The following PEX14 variants were observed in gnomAD, a reference collection of about 807,000 sequenced individuals.
The protein encoded by PEX14 is peroxisomal membrane protein PEX14.
A neutral mutation model predicts 49.5 loss-of-function variants in PEX14; 15 were observed. That is an observed-to-expected ratio of 0.30 (90% CI 0.20 to 0.47). The LOEUF is 0.47. Ranked by LOEUF, PEX14 falls within the 20% of genes least tolerant of loss-of-function variation. The probability of loss-of-function intolerance (pLI) is 1.00; values close to 1 mark genes in which losing one functional copy is unlikely to be tolerated. For missense variants in PEX14, 398 were observed against 494.8 expected (o/e 0.80, Z 1.86); for synonymous variants, 210 against 212.7 (o/e 0.99, Z 0.11).
intron 4 of PEX14, among the ~76,000 whole-genome samples, chr1:10,602,278 G>A (rs1171446163): frequency 6.6e-6 from 1 of 152,004 alleles, no homozygotes; most frequent in Non-Finnish European, 1.5e-5. Context: ...TAAAAACAAT[G>A]GTAATGATAA....
chr1:10,586,629 T>C lies in PEX14; in HGVS notation c.170-12609T>C, dbSNP rs986957744. 2.2e-4 allele frequency among the ~76,000 whole-genome samples: 8 copies of C among 36,730 alleles called. No individual in the cohort carries two copies. The East Asian group carries it at 6.8e-3, about 31-fold the overall frequency. The allele number at this position is 36,730 out of a possible 152,430, so 24.1% of individuals were successfully genotyped here. ...TGTTGAACAAAAGGAGCCGTTTACCTTTTTTTTTTTTTTTTTTTTTTTTTT... is the reference window on the plus strand; with the variant it reads ...TGTTGAACAAAAGGAGCCGTTTACCCTTTTTTTTTTTTTTTTTTTTTTTTT... On this transcript the variant is annotated intron_variant, in intron 3 of 8. Coordinates refer to ENST00000356607, the MANE Select transcript of PEX14 (RefSeq NM_004565.3).
chr1:10,543,541 C>A (rs767710922), intron 3 of PEX14, among the ~76,000 whole-genome samples: 1 of 152,024 alleles, frequency 6.6e-6, no homozygotes, highest in Non-Finnish European at 1.5e-5. Context: ...ATGTGCCAGT[C>A]GCTGGATTGG....
At chr1:10,510,809 G>A (rs1015691524) in intron 2 of PEX14, among the ~76,000 whole-genome samples, 1 of 152,146 alleles carries the variant, frequency 6.6e-6, no homozygotes, top group African/African-American at 2.4e-5. Flanking sequence ...AGGAACTTAG[G>A]GTGCAACATT....
chr1:10,590,338 G>T (rs189304890), intron 3 of PEX14, among the ~76,000 whole-genome samples: 66 of 152,316 alleles, frequency 4.3e-4, no homozygotes, highest in African/African-American at 1.5e-3. Context: ...TCTGCTACAC[G>T]TGGGTTTAAT....
At chr1:10,535,300 T>C (rs191982503) in intron 2 of PEX14, among the ~76,000 whole-genome samples, 1 of 152,356 alleles carries the variant, frequency 6.6e-6, no homozygotes, top group African/African-American at 2.4e-5. Flanking sequence ...TGAAGGTTAA[T>C]ACCTGCAGCG....
At chr1:10,581,148 T>C (rs1424918608) in intron 3 of PEX14, among the ~76,000 whole-genome samples, 9 of 152,084 alleles carry the variant, frequency 5.9e-5, no homozygotes, top group African/African-American at 1.7e-4. Flanking sequence ...GGAAATAGTA[T>C]GCTGTTGCCA....
In PEX14 at chr1:10,513,450, T is replaced by C. The variant is rs78317723; in HGVS notation, c.84+18129T>C. Among the ~76,000 whole-genome samples the C allele has an allele frequency of 8.3e-4, 126 of 152,320 alleles. 1 individual carries two copies. Among genetic ancestry groups the C allele is most frequent in the African/African-American group, 2.8e-3 (118 of 41,564 alleles). ...TCCAGCCGACAGCTTGAACAAGGATTCTAAAGTTTCTGGCCGTTTTAATTG... is the reference window on the plus strand; with the variant it reads ...TCCAGCCGACAGCTTGAACAAGGATCCTAAAGTTTCTGGCCGTTTTAATTG... On this transcript the variant is annotated intron_variant, in intron 2 of 8. Transcript: ENST00000356607.
At chr1:10,480,843 C>CTT (rs756547197) in intron 1 of PEX14, among the ~76,000 whole-genome samples, 1 of 81,188 alleles carries the variant, frequency 1.2e-5, no homozygotes, top group Non-Finnish European at 2.5e-5. Flanking sequence ...CTCTCTCTTT[C>CTT]TCTCTCTCTC....
At chr1:10,509,988 G>C (rs1189795033) in intron 2 of PEX14, among the ~76,000 whole-genome samples, 1 of 152,050 alleles carries the variant, frequency 6.6e-6, no homozygotes, top group African/African-American at 2.4e-5. Context: ...CAAGATAATT[G>C]GTAGCTCCAT....
At position 10,495,571 on chromosome 1, in the gene PEX14, G is replaced by T. The variant is rs1641545032; in HGVS notation, c.84+250G>T. ...ACCCCAGATGGTCCTGCACCACTTT[G>T]TTTGTGGCTGATCAATAGTAATTAG... On this transcript the variant is annotated intron_variant, in intron 2 of 8. Transcript: ENST00000356607. This position sits in a 1 kb window ranked among gnomAD's most constrained non-coding sequence, Gnocchi z 4.2. Among the ~76,000 whole-genome samples, 2 of 152,156 alleles carry T rather than the reference G, an allele frequency of 1.3e-5. No individual in the cohort carries two copies. The highest frequency in any genetic ancestry group is 6.6e-5 in the Admixed American group (1 of 15,266).
chr1:10,507,620 G>A (rs1468833483), intron 2 of PEX14, among the ~76,000 whole-genome samples: 1 of 152,170 alleles, frequency 6.6e-6, no homozygotes, highest in Non-Finnish European at 1.5e-5. Context: ...GCTTCTAGGG[G>A]GCAGCAGCCG....
chr1:10,497,431 T>C (rs769567481), intron 2 of PEX14, among the ~76,000 whole-genome samples: 2 of 152,214 alleles, frequency 1.3e-5, no homozygotes, highest in Admixed American at 1.3e-4. Context: ...TGCTGTCTCC[T>C]GCATGCTCAG....
At chr1:10,536,329 C>T in intron 3 of PEX14, 32 bp downstream of exon 3, 2 of 1,360,066 alleles carry the variant, frequency 1.5e-6, no homozygotes, top group South Asian at 2.3e-5. Context: ...GCAGCACGGC[C>T]TACAGGGGGA....
At chr1:10,620,576 T>C (rs1466674540) in intron 5 of PEX14, among the ~76,000 whole-genome samples, 1 of 151,666 alleles carries the variant, frequency 6.6e-6, no homozygotes, top group Non-Finnish European at 1.5e-5. Context: ...TCACTTGAGG[T>C]CAGGAGTTTG....
At chr1:10,609,884 CAAAAAAT>C (rs1238667119) in intron 4 of PEX14, among the ~76,000 whole-genome samples, 1 of 151,574 alleles carries the variant, frequency 6.6e-6, no homozygotes, top group Non-Finnish European at 1.5e-5. Context: ...AGCTCCATCT[CAAAAAAT>C]AAATAAATAA....
intron 3 of PEX14, among the ~76,000 whole-genome samples, chr1:10,537,200 G>C (rs1362716755): frequency 1.3e-5 from 2 of 152,028 alleles, no homozygotes; most frequent in African/African-American, 4.8e-5. Flanking sequence ...ATGTCCCGGG[G>C]CTGCACTAAC....
rs369224399 is a variant in PEX14, at chr1:10,571,360, G to C, written c.170-27878G>C. On this transcript the variant is annotated intron_variant, in intron 3 of 8. Transcript: ENST00000356607. ...AATGTGTTTCTAAAGAATGTCATAT[G>C]GTATTTACCAGGGGGTGGGGGTGGG... 2.7e-5 allele frequency among the ~76,000 whole-genome samples: 4 copies of C among 149,150 alleles called. No individual in the cohort carries two copies. In the South Asian group the frequency reaches 8.6e-4, roughly 32 times the overall value.
At chr1:10,531,179 C>T (rs559958152) in intron 2 of PEX14, among the ~76,000 whole-genome samples, 5 of 152,288 alleles carry the variant, frequency 3.3e-5, no homozygotes, top group African/African-American at 9.6e-5. Flanking sequence ...GGAACACGGC[C>T]TCTTTAGTGA....
At chr1:10,590,250 G>A (rs1451922749) in intron 3 of PEX14, among the ~76,000 whole-genome samples, 2 of 152,226 alleles carry the variant, frequency 1.3e-5, no homozygotes, top group African/African-American at 2.4e-5. Flanking sequence ...CCTGCAAACC[G>A]TGAGTCGTGC....
Sources: gnomAD v4.1 joint callset for allele counts (sites outside exome capture counted in the v4.1 genomes callset) on GRCh38, gnomAD v4.1.1 for gene constraint, Gnocchi (gnomAD v3.1) non-coding constraint, MANE v1.5 for transcripts, NCBI Gene and HGNC (gene_info 2026-07-23, HGNC 2026-07-21) for gene names.